Variants in BANP observed in about 807,000 individuals in gnomAD.
BANP encodes the protein protein BANP.
BANP carries 11 observed loss-of-function variants against 68.1 expected under a neutral mutation model. The ratio of observed to expected loss-of-function variants is 0.16; its 90% confidence interval spans 0.10 to 0.27. The LOEUF (loss-of-function observed/expected upper bound fraction) is 0.27. Ranked by LOEUF, BANP falls within the 10% of genes least tolerant of loss-of-function variation. The pLI is 1.00. For missense variants in BANP, 504 were observed against 722.7 expected, an observed-to-expected ratio of 0.70 and a Z score of 3.47; for synonymous variants, 329 against 303.2, an observed-to-expected ratio of 1.09 and a Z score of -0.88.
chr16:87,965,717 T>G (rs1238274021), intron 1 of BANP, among the ~76,000 whole-genome samples: 4 of 152,196 alleles, frequency 2.6e-5, no homozygotes, highest in South Asian at 4.1e-4. Context: ...TCCCCATGCC[T>G]TGGTGGCTGA....
At chr16:88,037,412 A>G (rs1240960876) in intron 10 of BANP, 2 of 154,524 alleles carry the variant, frequency 1.3e-5, no homozygotes, top group Admixed American at 1.3e-4. Flanking sequence ...TTCATTTAAA[A>G]TTATTTTGTT....
intron 11 of BANP, among the ~76,000 whole-genome samples, chr16:88,060,786 C>T (rs12595944): frequency 0.091 from 13,918 of 152,122 alleles, 839 homozygotes; most frequent in East Asian, 0.21. Context: ...AGCAGCGCCA[C>T]GGTGATGGCA....
At chr16:87,964,755 T>G (rs1211604854) in intron 1 of BANP, among the ~76,000 whole-genome samples, 1 of 151,716 alleles carries the variant, frequency 6.6e-6, no homozygotes, top group African/African-American at 2.4e-5. Context: ...AGGTTGGGAG[T>G]GACAGGCTGG....
chr16:87,991,051 T>G (rs769244630), intron 4 of BANP, among the ~76,000 whole-genome samples: 4 of 152,212 alleles, frequency 2.6e-5, no homozygotes, highest in Non-Finnish European at 5.9e-5. Flanking sequence ...CGTGCACCAC[T>G]GCGCCCAGCC....
chr16:88,001,503 T>G (rs897025650), intron 4 of BANP, among the ~76,000 whole-genome samples: 2 of 152,250 alleles, frequency 1.3e-5, no homozygotes, highest in Non-Finnish European at 2.9e-5. Flanking sequence ...TCCTCCTTAA[T>G]GTGATAAAGA....
intron 1 of BANP, among the ~76,000 whole-genome samples, chr16:87,952,930 C>T (rs1047926903): frequency 5.3e-5 from 8 of 152,080 alleles, no homozygotes; most frequent in African/African-American, 1.7e-4. Flanking sequence ...GCCACCACCC[C>T]GGCTAATTTT....
At chr16:88,053,157 C>T (rs946586535) in intron 11 of BANP, among the ~76,000 whole-genome samples, 6 of 151,934 alleles carry the variant, frequency 3.9e-5, no homozygotes, top group African/African-American at 1.5e-4. Context: ...CCAACACAAC[C>T]ATAACCACCT....
chr16:88,012,647 G>A (rs2073469732), intron 6 of BANP, among the ~76,000 whole-genome samples: 1 of 152,238 alleles, frequency 6.6e-6, no homozygotes, highest in Admixed American at 6.5e-5. Flanking sequence ...GCCATCGCCT[G>A]AAAAGTGACC....
intron 11 of BANP, among the ~76,000 whole-genome samples, chr16:88,051,698 G>A (rs775430954): frequency 1.6e-4 from 25 of 152,206 alleles, no homozygotes; most frequent in Non-Finnish European, 2.5e-4. Context: ...ATAAAAATCC[G>A]CATAGAGAAA....
At chr16:88,072,274 C>A in intron 13 of BANP, 62 bp downstream of exon 13, 5 of 1,542,688 alleles carry the variant, frequency 3.2e-6, no homozygotes, top group Non-Finnish European at 3.5e-6. Context: ...CCGCTGCCAC[C>A]GGGCACACGT....
intron 1 of BANP, among the ~76,000 whole-genome samples, chr16:87,961,617 G>T (rs2059173329): frequency 6.6e-6 from 1 of 152,172 alleles, no homozygotes; most frequent in Non-Finnish European, 1.5e-5. Flanking sequence ...TCTCATTAAG[G>T]TTTTGTTGTT....
At chr16:88,001,869 G>A (rs1478682410) in intron 4 of BANP, among the ~76,000 whole-genome samples, 1 of 149,444 alleles carries the variant, frequency 6.7e-6, no homozygotes. Flanking sequence ...GATGTAGATC[G>A]AAGCTGAAAA....
intron 11 of BANP, among the ~76,000 whole-genome samples, chr16:88,044,075 CATCT>C (rs1317637805): frequency 6.6e-6 from 1 of 152,236 alleles, no homozygotes; most frequent in African/African-American, 2.4e-5. Context: ...GTCATACCCG[CATCT>C]TGGTGCAGCT....
chr16:88,054,652 T>C (rs2084512201), intron 11 of BANP, among the ~76,000 whole-genome samples: 1 of 152,218 alleles, frequency 6.6e-6, no homozygotes, highest in South Asian at 2.1e-4. Context: ...CCTGAGTTGT[T>C]TTCTAATCTA....
intron 1 of BANP, among the ~76,000 whole-genome samples, chr16:87,963,224 G>A (rs1474076156): frequency 3.3e-5 from 5 of 152,272 alleles, no homozygotes; most frequent in African/African-American, 1.2e-4. Flanking sequence ...GTCCCTTCTT[G>A]TCACTTTACT....
At chr16:88,040,384 G>C (rs181769610) in intron 11 of BANP, among the ~76,000 whole-genome samples, 32 of 152,114 alleles carry the variant, frequency 2.1e-4, no homozygotes, top group Middle Eastern at 3.4e-3. Flanking sequence ...AAAGCACAGA[G>C]AAGCCCACTC....
chr16:87,963,097 A>G (rs1447669279), intron 1 of BANP, among the ~76,000 whole-genome samples: 1 of 152,082 alleles, frequency 6.6e-6, no homozygotes, highest in Non-Finnish European at 1.5e-5. Context: ...CCTAATTTTT[A>G]TGGCTCTTTG....
intron 1 of BANP, among the ~76,000 whole-genome samples, chr16:87,971,992 G>T (rs1221200053): frequency 1.3e-5 from 2 of 152,002 alleles, no homozygotes; most frequent in East Asian, 3.9e-4. Context: ...CGGGGTCTCG[G>T]TACATGCCCA....
Position 88,057,756 on chromosome 16 carries a change from G to A in BANP, c.1312-7511G>A, listed in dbSNP as rs1319445592. Among the ~76,000 whole-genome samples the A allele has an allele frequency of 6.5e-4, 1 of 1,542 alleles. No homozygotes were observed. The highest frequency in any genetic ancestry group is 0.056 in the Non-Finnish European group (1 of 18). 1.0% of individuals were successfully genotyped at this position (1,542 alleles called of 152,430 possible). ...ATGGCGGGGCCATCTGGGTGGGGCG[G>A]GGGGGGGGGTGCGTGCAGTGACTCG... On this transcript the variant is annotated intron_variant, in intron 11 of 13. Coordinates refer to ENST00000682872, the MANE Select transcript of BANP (RefSeq NM_001386991.1). This position sits in a 1 kb window ranked among gnomAD's most constrained non-coding sequence, Gnocchi z 4.6.
Sources: allele counts gnomAD v4.1 joint callset (sites outside exome capture counted in the v4.1 genomes callset), GRCh38; gene constraint gnomAD v4.1.1; non-coding constraint Gnocchi (gnomAD v3.1); transcripts MANE v1.5; gene names NCBI Gene and HGNC (gene_info 2026-07-23, HGNC 2026-07-21).